Variants in FAM149A observed in about 807,000 individuals in gnomAD.
The protein encoded by FAM149A is protein FAM149A.
In FAM149A, 71 loss-of-function variants were observed where a neutral mutation model predicts 78.2. The ratio of observed to expected loss-of-function variants is 0.91; its 90% CI spans 0.75 to 1.11. FAM149A has a LOEUF of 1.11. Among genes scored for constraint, FAM149A ranks in the 50% least tolerant of loss-of-function variants. The pLI is 0.00. For synonymous variants in FAM149A, 446 were observed against 410.5 expected (o/e 1.09, Z -1.04); for missense variants, 1,036 against 971.0 (o/e 1.07, Z -0.89).
At chr4:186,130,314 T>TAA (rs1554068090) in intron 1 of FAM149A, among the ~76,000 whole-genome samples, 4,279 of 116,398 alleles carry the variant, frequency 0.037, 211 homozygotes, top group African/African-American at 0.064. Context: ...TATATATATA[T>TAA]AATCTATATC....
At chr4:186,117,611 A>G (rs2099314286) in intron 1 of FAM149A, 12 of 985,444 alleles carry the variant, frequency 1.2e-5, no homozygotes, top group Non-Finnish European at 1.3e-5. Context: ...CCAGAGCCAC[A>G]TGGCGTGAGG....
At chr4:186,151,000 C>T (rs1733534083) in intron 3 of FAM149A, 1 of 984,936 alleles carries the variant, frequency 1.0e-6, no homozygotes, top group Non-Finnish European at 1.2e-6. Context: ...CCACTGCGCC[C>T]AGCCTCTTTG....
chr4:186,130,314 T>TATATATATGTAA (rs141900902), intron 1 of FAM149A, among the ~76,000 whole-genome samples: 3 of 116,456 alleles, frequency 2.6e-5, no homozygotes, highest in African/African-American at 1.1e-4. Flanking sequence ...TATATATATA[T>TATATATATGTAA]AATCTATATC....
In FAM149A at chr4:186,144,907, A is replaced by T. The variant is rs1732883498; in HGVS notation, c.567-4266A>T. 1.0e-6 allele frequency: 1 copy of T among 963,516 alleles called. No individual in the cohort carries two copies. Among genetic ancestry groups the T allele is most frequent in the African/African-American group, 2.0e-5 (1 of 50,204 alleles). 59.7% of individuals were successfully genotyped at this position (963,516 alleles called of 1,614,324 possible). A position where few individuals can be genotyped will look rare whatever the true frequency, so the allele number is the denominator to read the frequency against. ...ACCCCGGGCGCGCCCGGGCCGCCTG[A>T]GCTGGGCCAGCCGCGCGGCGGGCGC... On this transcript the variant is annotated intron_variant, in intron 1 of 13. Coordinates refer to ENST00000389354, the MANE Select transcript of FAM149A (RefSeq NM_001367768.3). The surrounding 1 kb of genome is among the most constrained non-coding windows in gnomAD (Gnocchi z 4.2).
chr4:186,138,883 C>T (rs542046503), intron 1 of FAM149A, among the ~76,000 whole-genome samples: 1 of 152,216 alleles, frequency 6.6e-6, no homozygotes, highest in South Asian at 2.1e-4. Context: ...TTCCATACTG[C>T]ACTCTTGGAG....
chr4:186,162,277 G>A (rs758649521), intron 8 of FAM149A, among the ~76,000 whole-genome samples: 1 of 152,202 alleles, frequency 6.6e-6, no homozygotes, highest in African/African-American at 2.4e-5. Flanking sequence ...CCATCTCACC[G>A]CTTCTGGGAA....
Position 186,157,656 on chromosome 4 carries a change from C to A in FAM149A, c.1512C>A (p.Gly504=). The A allele has an allele frequency of 6.2e-7, 1 of 1,613,430 alleles. No homozygotes were observed. The highest frequency in any genetic ancestry group is 8.5e-7 in the Non-Finnish European group (1 of 1,179,456). Residue 504 remains glycine (G), a synonymous_variant, in exon 8 of 14, where the codon GGC becomes GGA. Coordinates refer to ENST00000389354, the MANE Select transcript of FAM149A (RefSeq NM_001367768.3). ...ACGCTCACGCCGATGGAGCCAGTGG[C>A]CCCCCGTCCGGACACGCCGAGGCTC...
At chr4:186,160,849 C>T (rs753837138) in intron 8 of FAM149A, 7 of 985,166 alleles carry the variant, frequency 7.1e-6, no homozygotes, top group South Asian at 4.7e-5. Flanking sequence ...GTGAAACTTG[C>T]GTATATAGAC....
rs574616481 is a variant in FAM149A, at chr4:186,150,319, C to T, written c.789+615C>T. Among the ~76,000 whole-genome samples the T allele has an allele frequency of 1.1e-4, 17 of 151,674 alleles. No homozygotes were observed. The South Asian group carries it at 3.4e-3, about 30-fold the overall frequency. On this transcript the variant is annotated intron_variant, in intron 3 of 13. Transcript: ENST00000389354. ...CTTTTTAAGGCCCACCTGGCTGCAG[C>T]ACCTTGGGTGTTCTGTTTTACCTCG...
chr4:186,152,096 C>T (rs749475482), intron 4 of FAM149A, 51 bp downstream of exon 4: 6 of 1,579,520 alleles, frequency 3.8e-6, no homozygotes, highest in South Asian at 2.2e-5. Flanking sequence ...CAAGCACCCA[C>T]CCCTGACCTG....
chr4:186,143,440 T>C (rs1161739408), intron 1 of FAM149A, among the ~76,000 whole-genome samples: 2 of 152,168 alleles, frequency 1.3e-5, no homozygotes, highest in Non-Finnish European at 2.9e-5. Flanking sequence ...CATATACATG[T>C]ATCAGGATTT....
rs1222527339 is a variant in FAM149A, at chr4:186,127,096, G to T, written c.566+21454G>T. 18 of 985,252 alleles carry T rather than the reference G, an allele frequency of 1.8e-5. No individual in the cohort carries two copies. The African/African-American group carries it at 3.0e-4, about 16-fold the overall frequency. The allele number at this position is 985,252 out of a possible 1,614,324, so 61.0% of individuals were successfully genotyped here. On this transcript the variant is annotated intron_variant, in intron 1 of 13. Coordinates refer to ENST00000389354, the MANE Select transcript of FAM149A (RefSeq NM_001367768.3). ...TAGTGTCTGTGTGATTCTCTGAGAA[G>T]CCCTGCCTTCCTGCCAGGCAGAAGG...
At position 186,105,153 on chromosome 4, in the gene FAM149A, C is replaced by G; in HGVS notation, c.77C>G (p.Pro26Arg). ...ACCTCGACGGCGCCCCCCGCAGGCCCCTCCTCCAGACCCTCGGGAGGTGCT... is the reference window on the plus strand; with the variant it reads ...ACCTCGACGGCGCCCCCCGCAGGCCGCTCCTCCAGACCCTCGGGAGGTGCT... Residue 26 changes from proline (P) to arginine (R), a missense_variant, in exon 1 of 14, where the codon CCC becomes CGC. Physicochemically the swap from Pro to Arg is moderately radical, Grantham distance 103. This residue lies in a region of FAM149A where 316 missense variants were observed against 241.9 expected (regional missense o/e 1.31). Coordinates refer to ENST00000389354, the MANE Select transcript of FAM149A (RefSeq NM_001367768.3). The G allele has an allele frequency of 7.8e-7, 1 of 1,280,164 alleles. No individual in the cohort carries two copies. The highest frequency in any genetic ancestry group is 1.0e-6 in the Non-Finnish European group (1 of 984,886). 79.3% of individuals were successfully genotyped at this position (1,280,164 alleles called of 1,614,324 possible). A position where few individuals can be genotyped will look rare whatever the true frequency, so the allele number is the denominator to read the frequency against.
At chr4:186,165,100 G>C (rs1734926437) in intron 10 of FAM149A, among the ~76,000 whole-genome samples, 1 of 152,046 alleles carries the variant, frequency 6.6e-6, no homozygotes, top group Non-Finnish European at 1.5e-5. Context: ...CCACACACCA[G>C]CTCTGCGTCT....
In FAM149A at chr4:186,163,448, G is replaced by A. The variant is rs1390787797; in HGVS notation, c.1704G>A (p.Ser568=). Reference sequence around the variant, plus strand: ...GGAATGAGAAGGAGGACAAAGCATCGGGTGGAGGGGCAGGTGCTCTCTCCT... The same window carrying A: ...GGAATGAGAAGGAGGACAAAGCATCAGGTGGAGGGGCAGGTGCTCTCTCCT... Residue 568 remains serine, a synonymous_variant, in exon 10 of 14, where the codon TCG becomes TCA. Coordinates refer to ENST00000389354, the MANE Select transcript of FAM149A (RefSeq NM_001367768.3). The A allele has an allele frequency of 3.1e-5, 50 of 1,613,784 alleles. No homozygotes were observed. Among genetic ancestry groups the A allele is most frequent in the South Asian group, 1.6e-4 (15 of 91,064 alleles).
At chr4:186,149,377 T>G in intron 2 of FAM149A, 94 bp downstream of exon 2, 1 of 1,189,080 alleles carries the variant, frequency 8.4e-7, no homozygotes, top group Non-Finnish European at 1.1e-6. Flanking sequence ...TTTCTAAAAG[T>G]AAGATGCAGT....
At chr4:186,166,048 A>G (rs1734998271) in intron 11 of FAM149A, among the ~76,000 whole-genome samples, 1 of 152,230 alleles carries the variant, frequency 6.6e-6, no homozygotes, top group Admixed American at 6.5e-5. Flanking sequence ...TACCTTCTGC[A>G]GTCAGACTCG....
At chr4:186,118,734 T>C (rs2099314754) in intron 1 of FAM149A, among the ~76,000 whole-genome samples, 1 of 152,180 alleles carries the variant, frequency 6.6e-6, no homozygotes, top group South Asian at 2.1e-4. Context: ...GATGAGATTC[T>C]TTAAATTGTT....
chr4:186,106,149 A>G (rs1237977933), intron 1 of FAM149A, among the ~76,000 whole-genome samples: 1 of 152,130 alleles, frequency 6.6e-6, no homozygotes, highest in African/African-American at 2.4e-5. Flanking sequence ...TTACATATGC[A>G]TGACATCATC....
Sources: allele counts gnomAD v4.1 joint callset (sites outside exome capture counted in the v4.1 genomes callset), GRCh38; gene constraint gnomAD v4.1.1; regional missense constraint gnomAD v4.1.1; non-coding constraint Gnocchi (gnomAD v3.1); transcripts MANE v1.5; gene names NCBI Gene and HGNC (gene_info 2026-07-23, HGNC 2026-07-21).